The following PLCL1 variants were observed in gnomAD, a reference collection of about 807,000 sequenced individuals.
The protein encoded by PLCL1 is phospholipase C like 1 (inactive).
Under a neutral mutation model 84.4 loss-of-function variants are expected in PLCL1, and 41 were observed. The observed-to-expected ratio is 0.49, with a 90% confidence interval of 0.38 to 0.63. The LOEUF is 0.63. PLCL1 is among the 30% of genes least tolerant of loss of function. PLCL1 has a pLI of 0.00. For missense variants in PLCL1, 1,206 were observed against 1,367.8 expected (o/e 0.88, Z 1.87); for synonymous variants, 490 against 488.3 (o/e 1.00, Z -0.05).
rs1358938368 is a variant in PLCL1 at position 198,103,857 on chromosome 2, T to G, written c.3026T>G (p.Leu1009Trp). The G allele has an allele frequency of 4.4e-6, 7 of 1,606,258 alleles. No individual in the cohort carries two copies. The highest frequency in any genetic ancestry group is 6.0e-6 in the Non-Finnish European group (7 of 1,175,630). ...GAGTTCCATGAAGAACTTCATAATT[T>G]GGGGGCAAAAGAAGGCTTGAAGGGA... is the stretch of plus-strand genomic sequence containing the variant. ...GMEFHEELHN[L>W]GAKEGLKGRK... Residue 1009 changes from leucine to tryptophan, a missense_variant, in exon 5 of 6, where the codon TTG (leucine) becomes TGG (tryptophan). Coordinates refer to ENST00000428675, the MANE Select transcript of PLCL1 (RefSeq NM_006226.4).
intron 1 of PLCL1, among the ~76,000 whole-genome samples, chr2:197,869,964 G>A (rs1687619435): frequency 6.6e-6 from 1 of 151,936 alleles, no homozygotes; most frequent in African/African-American, 2.4e-5. Context: ...TTTTCCATAA[G>A]TGTTATTTAT....
intron 1 of PLCL1, among the ~76,000 whole-genome samples, chr2:197,983,493 A>G (rs527431199): frequency 6.6e-6 from 1 of 152,024 alleles, no homozygotes; most frequent in Middle Eastern, 3.4e-3. Flanking sequence ...TTGGCCTCCC[A>G]AAGTGTTGGG....
Position 198,083,988 on chromosome 2 carries a change from G to A in PLCL1, c.471G>A (p.Lys157=). The A allele has an allele frequency of 1.2e-6, 2 of 1,614,130 alleles. No homozygotes were observed. Among genetic ancestry groups the A allele is most frequent in the South Asian group, 1.1e-5 (1 of 91,082 alleles). ...CAAAGAAAGACCTCGAGAAAGCCAA[G>A]CTTGATATTTCTGCCATAAAAGAGA... ...EPSKKDLEKA[K]LDISAIKEIR... The change falls in exon 2 of 6, where the codon AAG becomes AAA. Residue 157 remains lysine (K), a synonymous_variant. Transcript: ENST00000428675.
At chr2:197,916,765 A>G (rs1186486384) in intron 1 of PLCL1, among the ~76,000 whole-genome samples, 1 of 152,082 alleles carries the variant, frequency 6.6e-6, no homozygotes, top group African/African-American at 2.4e-5. Context: ...GATGTAGGCT[A>G]AAAAGTTATT....
intron 1 of PLCL1, among the ~76,000 whole-genome samples, chr2:197,813,734 G>A (rs561350304): frequency 3.9e-5 from 6 of 152,040 alleles, no homozygotes; most frequent in South Asian, 4.2e-4. Flanking sequence ...TTATTATCTC[G>A]ATTTTTACAG....
chr2:197,804,876 C>A lies in PLCL1; in HGVS notation c.-224C>A, dbSNP rs912002287. The A allele has an allele frequency of 2.7e-5, 12 of 438,968 alleles. No individual in the cohort carries two copies. The highest frequency in any genetic ancestry group is 4.4e-5 in the Non-Finnish European group (11 of 251,390). The allele number at this position is 438,968 out of a possible 1,614,324, so 27.2% of individuals were successfully genotyped here. On this transcript the variant is annotated 5_prime_UTR_variant, in exon 1 of 6. The change creates a new upstream start codon in the 5' untranslated region. Coordinates refer to ENST00000428675, the MANE Select transcript of PLCL1 (RefSeq NM_006226.4). The stretch of plus-strand genomic sequence containing the variant: ...ACTCCCGCCACCGTCCCCCGCCGGA[C>A]TGCTAGCCTCCTAGACCGAAGCCCG...
chr2:197,812,051 T>G (rs1425172688), intron 1 of PLCL1, among the ~76,000 whole-genome samples: 1 of 152,228 alleles, frequency 6.6e-6, no homozygotes, highest in Non-Finnish European at 1.5e-5. Flanking sequence ...CACTTACAAG[T>G]GAGAACATGT....
chr2:198,059,555 A>G lies in PLCL1; in HGVS notation c.241-24203A>G, dbSNP rs75382530. ...AGAAGTACTTTGCTTGACAGAGAAG[A>G]AGAGACCGCGAGGAGCCTGGTGTAG... On this transcript the variant is annotated intron_variant, in intron 1 of 5. Transcript: ENST00000428675. Among the ~76,000 whole-genome samples, 12 of 152,254 alleles carry G rather than the reference A, an allele frequency of 7.9e-5. No homozygotes were observed. In the East Asian group the frequency reaches 2.3e-3, roughly 29 times the overall value.
At chr2:197,832,084 C>T (rs113235109) in intron 1 of PLCL1, among the ~76,000 whole-genome samples, 2,279 of 152,010 alleles carry the variant, frequency 0.015, 63 homozygotes, top group African/African-American at 0.052. Context: ...CCCAGCATCA[C>T]GATTAAAAGA....
intron 1 of PLCL1, among the ~76,000 whole-genome samples, chr2:197,822,596 G>A (rs1690840880): frequency 6.6e-6 from 1 of 152,154 alleles, no homozygotes; most frequent in South Asian, 2.1e-4. Flanking sequence ...CTAGTCTTAT[G>A]AAGTAGGGAC....
chr2:198,081,780 TA>T (rs532059032), intron 1 of PLCL1, among the ~76,000 whole-genome samples: 34 of 152,318 alleles, frequency 2.2e-4, no homozygotes, highest in Admixed American at 3.9e-4. Context: ...GTCAATTGAA[TA>T]ATAAATTATC....
intron 1 of PLCL1, among the ~76,000 whole-genome samples, chr2:197,902,262 G>A (rs1688282845): frequency 6.6e-6 from 1 of 152,154 alleles, no homozygotes; most frequent in African/African-American, 2.4e-5. Context: ...TGAATCTATA[G>A]ACCCTGGAAT....
intron 1 of PLCL1, among the ~76,000 whole-genome samples, chr2:197,938,277 T>C (rs776802343): frequency 1.1e-4 from 16 of 152,218 alleles, no homozygotes; most frequent in Non-Finnish European, 1.3e-4. Context: ...ACCTCCATTG[T>C]CATACTGTAG....
intron 1 of PLCL1, among the ~76,000 whole-genome samples, chr2:198,057,238 A>G (rs1304649160): frequency 1.3e-5 from 2 of 152,080 alleles, no homozygotes; most frequent in African/African-American, 4.8e-5. Context: ...TTATTTTATA[A>G]TGGAGAGGTT....
chr2:197,885,097 A>G (rs1687894786), intron 1 of PLCL1, among the ~76,000 whole-genome samples: 1 of 152,186 alleles, frequency 6.6e-6, no homozygotes, highest in South Asian at 2.1e-4. Flanking sequence ...TACCCAGTAT[A>G]TACTACCTCA....
chr2:198,147,201 A>AGTGTGTGT lies in PLCL1; in HGVS notation c.*240_*241insTGTGTGTG. 3 of 167,116 alleles carry AGTGTGTGT rather than the reference A, an allele frequency of 1.8e-5. No individual in the cohort carries two copies. Among genetic ancestry groups the AGTGTGTGT allele is most frequent in the Non-Finnish European group, 2.0e-5 (2 of 98,484 alleles). 10.4% of individuals were successfully genotyped at this position (167,116 alleles called of 1,614,324 possible). Reference sequence around the variant, plus strand: ...ACACCCCTGTGTGGATGCCTGTGGAAGAGTGTGTGTGTGTGTGTGTGTGTG... The same window carrying AGTGTGTGT: ...ACACCCCTGTGTGGATGCCTGTGGAAGTGTGTGTGAGTGTGTGTGTGTGTGTGTGTGTG... On this transcript the variant is annotated 3_prime_UTR_variant, in exon 6 of 6. Coordinates refer to ENST00000428675, the MANE Select transcript of PLCL1 (RefSeq NM_006226.4).
chr2:197,805,439 A>G lies in PLCL1; in HGVS notation c.240+100A>G, dbSNP rs1373210119. 7.2e-6 allele frequency: 8 copies of G among 1,114,836 alleles called. No homozygotes were observed. The highest frequency in any genetic ancestry group is 6.9e-6 in the Non-Finnish European group (6 of 874,436). 69.1% of individuals were successfully genotyped at this position (1,114,836 alleles called of 1,614,324 possible). ...GTGTCCGGAGGCATCCGGGCTCAGC[A>G]TTGTTTTCTCCCACCTCCTTCAACG... On this transcript the variant is annotated intron_variant, in intron 1 of 5. Coordinates refer to ENST00000428675, the MANE Select transcript of PLCL1 (RefSeq NM_006226.4). The surrounding 1 kb of genome is among the most constrained non-coding windows in gnomAD (Gnocchi z 4.0).
intron 1 of PLCL1, among the ~76,000 whole-genome samples, chr2:197,844,890 A>G (rs1341506686): frequency 6.6e-6 from 1 of 152,144 alleles, no homozygotes; most frequent in Non-Finnish European, 1.5e-5. Flanking sequence ...TCATTTAGAC[A>G]TTATAAATGA....
intron 1 of PLCL1, among the ~76,000 whole-genome samples, chr2:197,914,061 A>G (rs1688541741): frequency 2.0e-5 from 3 of 152,270 alleles, no homozygotes; most frequent in Non-Finnish European, 4.4e-5. Flanking sequence ...AGAAATAGAG[A>G]GAGTTGAAGC....
Sources: allele counts gnomAD v4.1 joint callset (sites outside exome capture counted in the v4.1 genomes callset), GRCh38; gene constraint gnomAD v4.1.1; non-coding constraint Gnocchi (gnomAD v3.1); transcripts MANE v1.5; gene names NCBI Gene and HGNC (gene_info 2026-07-23, HGNC 2026-07-21).